Variants in EFCAB3 observed in about 807,000 individuals in gnomAD.
EFCAB3 encodes EF-hand calcium-binding domain-containing protein 3.
Under a neutral mutation model 42.2 loss-of-function variants are expected in EFCAB3, and 36 were observed. The ratio of observed to expected loss-of-function variants is 0.85; its 90% CI spans 0.65 to 1.13. EFCAB3 has a LOEUF of 1.13. EFCAB3 is among the 50% of genes most tolerant of loss of function. The pLI, the probability that EFCAB3 is intolerant of heterozygous loss-of-function variation, is 0.00. For missense variants in EFCAB3, 418 were observed against 505.1 expected, an observed-to-expected ratio of 0.83 and a Z score of 1.65; for synonymous variants, 170 against 172.8, an observed-to-expected ratio of 0.98 and a Z score of 0.13.
chr17:62,393,375 G>A (rs1235223664), intron 4 of EFCAB3, among the ~76,000 whole-genome samples, 198 bp from the exon 5 acceptor site: 1 of 152,160 alleles, frequency 6.6e-6, no homozygotes, highest in Non-Finnish European at 1.5e-5. Flanking sequence ...CGTTGCTTCT[G>A]TGGGCTGTGG....
chr17:62,377,825 A>T, upstream of EFCAB3: 1 of 643,440 alleles, frequency 1.6e-6, no homozygotes, highest in South Asian at 2.4e-5. Context: ...ACAATATGAA[A>T]GATGGATATC....
At chr17:62,401,624 C>T (rs1189083984) in intron 6 of EFCAB3, among the ~76,000 whole-genome samples, 4 of 152,156 alleles carry the variant, frequency 2.6e-5, no homozygotes, top group African/African-American at 4.8e-5. Flanking sequence ...TTTCTGAGGA[C>T]TCTGTTCTGT....
chr17:62,379,403 T>G (rs369620995), upstream of EFCAB3, among the ~76,000 whole-genome samples: 22 of 112,202 alleles, frequency 2.0e-4, no homozygotes, highest in East Asian at 5.4e-3. Flanking sequence ...CTGGGCAACA[T>G]AGTGAGACCT....
intron 1 of EFCAB3, chr17:62,382,047 C>T: frequency 4.9e-6 from 1 of 202,228 alleles, no homozygotes; most frequent in Non-Finnish European, 1.1e-5. Context: ...AAGCCTTTTA[C>T]ACATCCAAAA....
intron 8 of EFCAB3, among the ~76,000 whole-genome samples, chr17:62,412,649 G>A (rs2070509394): frequency 6.6e-6 from 1 of 151,804 alleles, no homozygotes; most frequent in South Asian, 2.1e-4. Flanking sequence ...ATTTTTAGTA[G>A]AGATGGGGTT....
Position 62,382,964 on chromosome 17 carries a change from C to A in EFCAB3, c.-16C>A. 1.2e-6 allele frequency: 2 copies of A among 1,610,264 alleles called. No homozygotes were observed. The highest frequency in any genetic ancestry group is 1.7e-6 in the Non-Finnish European group (2 of 1,178,804). The stretch of plus-strand genomic sequence containing the variant: ...TTAATTGTATATTCTGAATTCCAGA[C>A]AGAGTCACTGGCCACATGGCAGTTT... On this transcript the variant is annotated splice_region_variant and 5_prime_UTR_variant, in exon 2 of 10. Coordinates refer to ENST00000305286, the MANE Select transcript of EFCAB3 (RefSeq NM_173503.4).
chr17:62,393,753 T>C, intron 5 of EFCAB3, 109 bp downstream of exon 5: 1 of 908,512 alleles, frequency 1.1e-6, no homozygotes, highest in Admixed American at 2.2e-5. Context: ...AGGTGTAGTC[T>C]GGGATGTGAG....
At chr17:62,374,910 G>T (rs1014831530) in intron 2 of EFCAB3, among the ~76,000 whole-genome samples, 1 of 152,082 alleles carries the variant, frequency 6.6e-6, no homozygotes, top group African/African-American at 2.4e-5. Context: ...GCCAGGAGTT[G>T]GAGAGCAGCC....
intron 2 of EFCAB3, among the ~76,000 whole-genome samples, chr17:62,385,829 T>C (rs984104953): frequency 6.6e-6 from 1 of 151,222 alleles, no homozygotes. Context: ...ATGTCATTCT[T>C]CTGCCTCAGC....
chr17:62,407,188 C>T lies in EFCAB3; in HGVS notation c.843C>T (p.Phe281=), dbSNP rs770908601. ...EPLHFFEDYF[F]HKRDWKTQAA... ...TGCATTTCTTTGAGGATTATTTTTTCCATAAAAGAGACTGGAAAACACAGG... is the reference window on the plus strand; with the variant it reads ...TGCATTTCTTTGAGGATTATTTTTTTCATAAAAGAGACTGGAAAACACAGG... The change falls in exon 8 of 10, where the codon TTC becomes TTT. Residue 281 remains phenylalanine (F), a synonymous_variant. Transcript: ENST00000305286. The T allele has an allele frequency of 1.9e-6, 3 of 1,588,972 alleles. No individual in the cohort carries two copies. The highest frequency in any genetic ancestry group is 1.2e-5 in the South Asian group (1 of 85,702).
rs1358359281 is a variant in EFCAB3, at chr17:62,391,919, G to A, written c.249G>A (p.Leu83=). The change falls in exon 4 of 10, where the codon CTG becomes CTA. Residue 83 remains leucine (L), a synonymous_variant. Transcript: ENST00000305286. ...MCTVAKLGMN[L]TKHDVYNELK... ...CTGTAGCTAAGCTGGGAATGAATCTGACCAAGCATGATGTCTATAATGAAT... is the reference window on the plus strand; with the variant it reads ...CTGTAGCTAAGCTGGGAATGAATCTAACCAAGCATGATGTCTATAATGAAT... The A allele has an allele frequency of 1.6e-5, 26 of 1,613,072 alleles. No homozygotes were observed. Among genetic ancestry groups the A allele is most frequent in the Non-Finnish European group, 2.2e-5 (26 of 1,179,428 alleles).
At chr17:62,403,483 T>A (rs1481638577) in intron 6 of EFCAB3, among the ~76,000 whole-genome samples, 2 of 152,220 alleles carry the variant, frequency 1.3e-5, no homozygotes, top group African/African-American at 4.8e-5. Context: ...TTAAGTGGCC[T>A]ACAATGCCAA....
intron 1 of EFCAB3, among the ~76,000 whole-genome samples, chr17:62,381,253 G>C (rs369947179): frequency 4.7e-5 from 7 of 150,244 alleles, no homozygotes; most frequent in Admixed American, 4.0e-4. Flanking sequence ...GCGGTGTTCG[G>C]TTTTTTGTCC....
At chr17:62,373,915 A>G (rs1309000807) in intron 2 of EFCAB3, 1 of 983,086 alleles carries the variant, frequency 1.0e-6, no homozygotes, top group Non-Finnish European at 1.5e-6. Context: ...CTGATGCTAT[A>G]TGTGTATTTT....
At chr17:62,404,422 C>T (rs539237266) in intron 6 of EFCAB3, among the ~76,000 whole-genome samples, 1 of 152,200 alleles carries the variant, frequency 6.6e-6, no homozygotes, top group East Asian at 1.9e-4. Context: ...TGCTTGAGTC[C>T]AGGAGTTCAA....
Position 62,415,179 on chromosome 17 carries a change from C to T in EFCAB3, c.991-824C>T, listed in dbSNP as rs150810027. 1.1e-4 allele frequency among the ~76,000 whole-genome samples: 16 copies of T among 152,210 alleles called. No individual in the cohort carries two copies. In the East Asian group the frequency reaches 2.9e-3, roughly 28 times the overall value. ...GTCCCCTTCACTCCATCCCCATTAC[C>T]ACTGCCTTAGATGAGGCAGTCTCCA... On this transcript the variant is annotated intron_variant, in intron 9 of 9. Coordinates refer to ENST00000305286, the MANE Select transcript of EFCAB3 (RefSeq NM_173503.4).
intron 7 of EFCAB3, 152 bp from the exon 8 acceptor site, chr17:62,406,876 G>A: frequency 4.9e-6 from 2 of 412,254 alleles, no homozygotes; most frequent in Admixed American, 4.9e-5. Flanking sequence ...TAGAGTCTGT[G>A]GATGGGTGGG....
intron 1 of EFCAB3, chr17:62,373,707 TCTA>T (rs2070130153): frequency 1.5e-6 from 1 of 675,744 alleles, no homozygotes; most frequent in Non-Finnish European, 2.6e-6. Context: ...TTCTAGTTCT[TCTA>T]ACTCATGGAA....
chr17:62,380,668 T>C (rs2070188398), intron 1 of EFCAB3, 55 bp downstream of exon 1: 1 of 864,556 alleles, frequency 1.2e-6, no homozygotes. Context: ...AAAAATCTAT[T>C]ATCTATGAGA....
Sources: allele counts gnomAD v4.1 joint callset (sites outside exome capture counted in the v4.1 genomes callset), GRCh38; gene constraint gnomAD v4.1.1; transcripts MANE v1.5; gene names NCBI Gene and HGNC (gene_info 2026-07-23, HGNC 2026-07-21).